Variants in MACROD2 observed in about 807,000 individuals in gnomAD.
MACROD2 encodes mono-ADP ribosylhydrolase 2, also known as ADP-ribose glycohydrolase MACROD2.
Under a neutral mutation model 70.4 loss-of-function variants are expected in MACROD2, and 36 were observed. That is an observed-to-expected ratio of 0.51 (90% CI 0.39 to 0.68). The LOEUF (loss-of-function observed/expected upper bound fraction) is 0.68. Among genes scored for constraint, MACROD2 ranks in the 30% least tolerant of loss-of-function variants. MACROD2 has a pLI of 0.00. For missense variants in MACROD2, 496 were observed against 538.4 expected, an observed-to-expected ratio of 0.92 and a Z score of 0.78; for synonymous variants, 172 against 178.8, an observed-to-expected ratio of 0.96 and a Z score of 0.30.
intron 6 of MACROD2, among the ~76,000 whole-genome samples, chr20:15,355,456 G>A (rs886074993): frequency 4.6e-5 from 7 of 152,092 alleles, no homozygotes; most frequent in Non-Finnish European, 1.0e-4. Flanking sequence ...TAAAATCTGG[G>A]TGCATCTTCC....
At chr20:15,261,880 C>A (rs1456319568) in intron 6 of MACROD2, among the ~76,000 whole-genome samples, 3 of 151,790 alleles carry the variant, frequency 2.0e-5, no homozygotes, top group Non-Finnish European at 4.4e-5. Context: ...CCTATCATGA[C>A]TTTTTATTTT....
chr20:15,998,815 C>T (rs188984439), intron 15 of MACROD2, among the ~76,000 whole-genome samples: 12 of 152,182 alleles, frequency 7.9e-5, no homozygotes, highest in African/African-American at 2.4e-4. Context: ...CTGCCCGTCT[C>T]GGCCTCCCAA....
intron 4 of MACROD2, among the ~76,000 whole-genome samples, chr20:14,553,330 A>G (rs1978792510): frequency 1.3e-5 from 2 of 151,606 alleles, no homozygotes; most frequent in South Asian, 4.2e-4. Flanking sequence ...CATGCATGGA[A>G]CTGTCATCTC....
At chr20:14,310,624 A>T (rs963169806) in intron 3 of MACROD2, among the ~76,000 whole-genome samples, 7 of 151,970 alleles carry the variant, frequency 4.6e-5, no homozygotes, top group Non-Finnish European at 7.4e-5. Flanking sequence ...ACTTTTTTTT[A>T]TTTATTTATT....
At chr20:14,995,651 GAATTAAGCTA>G (rs1196098875) in intron 5 of MACROD2, among the ~76,000 whole-genome samples, 5 of 151,948 alleles carry the variant, frequency 3.3e-5, no homozygotes, top group African/African-American at 1.2e-4. Context: ...GCTGTCAGTG[GAATTAAGCTA>G]AATATTGACA....
At chr20:15,739,440 G>A (rs1218320342) in intron 8 of MACROD2, among the ~76,000 whole-genome samples, 1 of 152,174 alleles carries the variant, frequency 6.6e-6, no homozygotes, top group African/African-American at 2.4e-5. Flanking sequence ...CACATTTAAA[G>A]GGTAAGGAGG....
chr20:14,426,413 T>A lies in MACROD2; in HGVS notation c.272-67066T>A, dbSNP rs2083933293. 3.3e-5 allele frequency among the ~76,000 whole-genome samples: 5 copies of A among 152,126 alleles called. No homozygotes were observed. In the South Asian group the frequency reaches 1.0e-3, roughly 32 times the overall value. On this transcript the variant is annotated intron_variant, in intron 3 of 17. Coordinates refer to ENST00000684519, the MANE Select transcript of MACROD2 (RefSeq NM_001351661.2). ...ATCTCTCTGATATTAATAATAGATT[T>A]TTTTAAAGTTTTCTTATTTCTGCAT...
At chr20:14,262,493 A>G (rs536160034) in intron 3 of MACROD2, among the ~76,000 whole-genome samples, 1 of 152,364 alleles carries the variant, frequency 6.6e-6, no homozygotes, top group East Asian at 1.9e-4. Context: ...TGTCTTGACT[A>G]AAGTTCGGCA....
At chr20:15,246,000 A>G (rs765005088) in intron 6 of MACROD2, among the ~76,000 whole-genome samples, 5 of 152,238 alleles carry the variant, frequency 3.3e-5, no homozygotes, top group Non-Finnish European at 7.3e-5. Context: ...CATCTTTCTA[A>G]AATAACTCAT....
chr20:15,432,210 A>G (rs906653627), intron 7 of MACROD2, among the ~76,000 whole-genome samples: 1 of 152,076 alleles, frequency 6.6e-6, no homozygotes, highest in Non-Finnish European at 1.5e-5. Flanking sequence ...TCTAACATAT[A>G]TGTATATATT....
chr20:15,263,701 A>G (rs1312661160), intron 6 of MACROD2, among the ~76,000 whole-genome samples: 1 of 151,902 alleles, frequency 6.6e-6, no homozygotes, highest in Non-Finnish European at 1.5e-5. Context: ...GTCCTCTTCA[A>G]TTTTCTGCAT....
intron 4 of MACROD2, among the ~76,000 whole-genome samples, chr20:14,504,500 G>A (rs1347529755): frequency 2.0e-5 from 3 of 152,242 alleles, no homozygotes; most frequent in Middle Eastern, 3.4e-3. Context: ...ATGGGAATAA[G>A]GAGTATATTC....
intron 5 of MACROD2, among the ~76,000 whole-genome samples, chr20:15,200,440 G>A (rs1416487888): frequency 3.9e-5 from 6 of 152,154 alleles, no homozygotes; most frequent in Admixed American, 3.9e-4. Context: ...AGCTGCAGAG[G>A]CTTTAAAAGA....
chr20:15,078,737 C>T (rs1468194701), intron 5 of MACROD2, among the ~76,000 whole-genome samples: 1 of 149,112 alleles, frequency 6.7e-6, no homozygotes, highest in Non-Finnish European at 1.5e-5. Flanking sequence ...ATCTTCGACT[C>T]CTGGGTTCAA....
intron 3 of MACROD2, among the ~76,000 whole-genome samples, chr20:14,110,306 T>A (rs2054432615): frequency 6.6e-6 from 1 of 151,930 alleles, no homozygotes; most frequent in Admixed American, 6.6e-5. Flanking sequence ...AGCTTTTTTT[T>A]AAAGATCTGG....
At position 14,227,544 on chromosome 20, in the gene MACROD2, G is replaced by T. The variant is rs530097850; in HGVS notation, c.271+141816G>T. 2.6e-5 allele frequency among the ~76,000 whole-genome samples: 4 copies of T among 152,240 alleles called. No individual in the cohort carries two copies. The South Asian group carries it at 8.3e-4, about 32-fold the overall frequency. On this transcript the variant is annotated intron_variant, in intron 3 of 17. Transcript: ENST00000684519. ...TGCAGCTTCACTCCTGAGCCAGCGA[G>T]ACCATGCACCCACCAGAAGGAAGAA... is the stretch of plus-strand genomic sequence containing the variant.
intron 5 of MACROD2, among the ~76,000 whole-genome samples, chr20:15,216,963 A>G (rs1020479088): frequency 6.6e-6 from 1 of 152,230 alleles, no homozygotes; most frequent in African/African-American, 2.4e-5. Flanking sequence ...GAAAGACAGC[A>G]TTCAGAATTG....
intron 3 of MACROD2, among the ~76,000 whole-genome samples, chr20:14,175,747 G>A (rs535563139): frequency 5.9e-5 from 9 of 152,210 alleles, no homozygotes; most frequent in Admixed American, 2.6e-4. Flanking sequence ...CTGGGAAACC[G>A]ATCACAACTT....
intron 5 of MACROD2, among the ~76,000 whole-genome samples, chr20:14,935,708 C>G (rs1003700276): frequency 6.6e-6 from 1 of 152,136 alleles, no homozygotes; most frequent in Admixed American, 6.6e-5. Context: ...CTGGAATCCT[C>G]TCACTACCAC....
Sources: allele counts gnomAD v4.1 joint callset (sites outside exome capture counted in the v4.1 genomes callset), GRCh38; gene constraint gnomAD v4.1.1; transcripts MANE v1.5; gene names NCBI Gene and HGNC (gene_info 2026-07-23, HGNC 2026-07-21).